OLFML2A: variants seen among roughly 807,000 people sequenced by gnomAD.
The protein encoded by OLFML2A is olfactomedin like 2A, also known as olfactomedin-like protein 2A.
Under a neutral mutation model 60.9 loss-of-function variants are expected in OLFML2A, and 47 were observed. The ratio of observed to expected loss-of-function variants is 0.77; its 90% confidence interval spans 0.61 to 0.98. The LOEUF (loss-of-function observed/expected upper bound fraction) is 0.98. Among genes scored for constraint, OLFML2A ranks in the 50% least tolerant of loss-of-function variants. The pLI is 0.00. For missense variants in OLFML2A, 922 were observed against 879.8 expected, an observed-to-expected ratio of 1.05 and a Z score of -0.61; for synonymous variants, 372 against 375.0, an observed-to-expected ratio of 0.99 and a Z score of 0.09.
rs1355820441 is a variant in OLFML2A at position 124,777,573 on chromosome 9, G to A, written c.90+213G>A. On this transcript the variant is annotated intron_variant, in intron 1 of 7. Transcript: ENST00000373580. The surrounding 1 kb of genome is among the most constrained non-coding windows in gnomAD (Gnocchi z 6.2). ...GAACAAGCGCTGGAGATGTAGGGAT[G>A]CTAGGGACCCGGGGCCTGAGGAAGG... 2.6e-5 allele frequency among the ~76,000 whole-genome samples: 4 copies of A among 152,168 alleles called. No individual in the cohort carries two copies. The highest frequency in any genetic ancestry group is 9.6e-5 in the African/African-American group (4 of 41,460).
chr9:124,793,392 A>G (rs1395918099), intron 2 of OLFML2A, among the ~76,000 whole-genome samples: 4 of 152,250 alleles, frequency 2.6e-5, no homozygotes, highest in Non-Finnish European at 5.9e-5. Flanking sequence ...CAGCTGCTCC[A>G]GGTCCTGCTG....
chr9:124,777,842 C>A lies in OLFML2A; in HGVS notation c.90+482C>A, dbSNP rs144639741. ...TTCTTGCCAGGGACCGGGTGCACCC[C>A]CTGGAGGACTAGGTAGCTCCAGAAG... On this transcript the variant is annotated intron_variant, in intron 1 of 7. Transcript: ENST00000373580. This position sits in a 1 kb window ranked among gnomAD's most constrained non-coding sequence, Gnocchi z 6.2. 9.2e-5 allele frequency among the ~76,000 whole-genome samples: 14 copies of A among 152,156 alleles called. No individual in the cohort carries two copies. Among genetic ancestry groups the A allele is most frequent in the Non-Finnish European group, 2.1e-4 (14 of 67,994 alleles).
intron 3 of OLFML2A, among the ~76,000 whole-genome samples, chr9:124,798,726 C>CAA (rs59669639): frequency 3.4e-3 from 224 of 65,162 alleles, no homozygotes; most frequent in African/African-American, 8.4e-3. Flanking sequence ...CCCAGCTACT[C>CAA]AAAAAAAAAA....
rs1841847540 is a variant in OLFML2A at position 124,804,337 on chromosome 9, G to T, written c.1163G>T (p.Ser388Ile). ...TEPPSGPEVSSQGREASCEGT... is the reference protein window; with the variant it reads ...TEPPSGPEVSIQGREASCEGT... ...CCACCTTCAGGTCCAGAAGTCTCCA[G>T]CCAAGGTGAGTGAGCCTCACAGGAG... The change falls in exon 6 of 8, where the codon AGC becomes ATC. Residue 388 changes from serine (S) to isoleucine (I), a missense_variant. Coordinates refer to ENST00000373580, the MANE Select transcript of OLFML2A (RefSeq NM_182487.4). 1.3e-6 allele frequency: 2 copies of T among 1,495,598 alleles called. No homozygotes were observed. Among genetic ancestry groups the T allele is most frequent in the African/African-American group, 1.5e-5 (1 of 68,590 alleles). The allele number at this position is 1,495,598 out of a possible 1,614,324, so 92.6% of individuals were successfully genotyped here. A position where few individuals can be genotyped will look rare whatever the true frequency, so the allele number is the denominator to read the frequency against.
chr9:124,801,206 C>T (rs1032334273), intron 4 of OLFML2A: 3 of 903,444 alleles, frequency 3.3e-6, no homozygotes, highest in Non-Finnish European at 3.4e-6. Flanking sequence ...TGCAAGGGAG[C>T]TAAAGAGCTG....
chr9:124,787,075 T>A lies in OLFML2A; in HGVS notation c.191T>A (p.Val64Glu). The change falls in exon 2 of 8, where the codon GTG (valine) becomes GAG (glutamate). Residue 64 changes from valine (V) to glutamate (E), a missense_variant. Transcript: ENST00000373580. ...CTGAGCAAGGACGCGTGTAGCCGAG[T>A]GCGCAGTGGGCGGGCACGCGTGGAG... Reference protein sequence around the residue: ...RPLSKDACSRVRSGRARVEDF... With the variant: ...RPLSKDACSRERSGRARVEDF... 6.2e-7 allele frequency: 1 copy of A among 1,613,976 alleles called. No individual in the cohort carries two copies.
intron 3 of OLFML2A, 137 bp downstream of exon 3, chr9:124,795,268 G>A: frequency 3.5e-6 from 2 of 575,158 alleles, no homozygotes; most frequent in Non-Finnish European, 6.5e-6. Flanking sequence ...GCTGGGGGAG[G>A]GAAATGCAGG....
chr9:124,801,726 C>T, intron 5 of OLFML2A, 63 bp downstream of exon 5: 1 of 1,541,392 alleles, frequency 6.5e-7, no homozygotes, highest in Non-Finnish European at 8.8e-7. Flanking sequence ...GGAATCCCCT[C>T]ATCTTCTCTG....
intron 5 of OLFML2A, among the ~76,000 whole-genome samples, chr9:124,802,777 G>A (rs545136884): frequency 5.3e-5 from 8 of 152,286 alleles, no homozygotes; most frequent in African/African-American, 1.7e-4. Context: ...AGCCCAAAAT[G>A]GAGAAAAAAG....
chr9:124,783,334 T>C (rs1424898157), intron 1 of OLFML2A, among the ~76,000 whole-genome samples: 1 of 152,092 alleles, frequency 6.6e-6, no homozygotes, highest in Non-Finnish European at 1.5e-5. Flanking sequence ...TAGCCGGACA[T>C]GGTGGCACAT....
chr9:124,778,183 C>T (rs993170076), intron 1 of OLFML2A, among the ~76,000 whole-genome samples: 1 of 151,560 alleles, frequency 6.6e-6, no homozygotes, highest in African/African-American at 2.4e-5. Flanking sequence ...CACGGTGAAA[C>T]CCCGTCTCTA....
rs532289848 is a variant in OLFML2A, at chr9:124,779,322, A to G, written c.90+1962A>G. 2.0e-5 allele frequency among the ~76,000 whole-genome samples: 3 copies of G among 152,310 alleles called. No homozygotes were observed. In the South Asian group the frequency reaches 6.2e-4, roughly 32 times the overall value. On this transcript the variant is annotated intron_variant, in intron 1 of 7. Coordinates refer to ENST00000373580, the MANE Select transcript of OLFML2A (RefSeq NM_182487.4). The surrounding 1 kb of genome is among the most constrained non-coding windows in gnomAD (Gnocchi z 4.1). ...TGGGATTCCCTGATCTGGCTCAGGT[A>G]TGATGACAAGTGAGTAGAAAATCCT...
intron 4 of OLFML2A, chr9:124,801,012 C>A: frequency 6.4e-7 from 1 of 1,551,282 alleles, no homozygotes; most frequent in Non-Finnish European, 8.7e-7. Context: ...TGCCTAGGTG[C>A]CTAAGAACCT....
intron 1 of OLFML2A, chr9:124,778,779 A>G (rs960621691): frequency 6.1e-6 from 1 of 163,668 alleles, no homozygotes; most frequent in African/African-American, 2.4e-5. Context: ...CCTGGGGAAC[A>G]GAGCAAGATT....
chr9:124,783,199 T>C (rs1383947210), intron 1 of OLFML2A, among the ~76,000 whole-genome samples: 2 of 151,996 alleles, frequency 1.3e-5, no homozygotes, highest in African/African-American at 4.8e-5. Context: ...GGGGCAGGCA[T>C]GGTAGCTCAC....
chr9:124,796,950 A>G (rs1430759895), intron 3 of OLFML2A, among the ~76,000 whole-genome samples: 1 of 152,232 alleles, frequency 6.6e-6, no homozygotes, highest in Non-Finnish European at 1.5e-5. Flanking sequence ...GATGAGGCTG[A>G]GAAAATCTGT....
At chr9:124,778,424 TC>T (rs1841299357) in intron 1 of OLFML2A, among the ~76,000 whole-genome samples, 1 of 150,710 alleles carries the variant, frequency 6.6e-6, no homozygotes, top group Middle Eastern at 3.5e-3. Flanking sequence ...TGGAAATGAC[TC>T]CCTGATGGCC....
In OLFML2A at chr9:124,804,220, A is replaced by G; in HGVS notation, c.1046A>G (p.Asp349Gly). ...GAGCCCAGGTCCTCCGAGCGAGTGG[A>G]CCTGGCTTCTGGCACCCCCACTTCA... is the stretch of plus-strand genomic sequence containing the variant. ...EAEPRSSERV[D>G]LASGTPTSIP... Residue 349 changes from aspartate (D) to glycine (G), a missense_variant, in exon 6 of 8, where the codon GAC (aspartate) becomes GGC (glycine). Asp to Gly is a moderately conservative substitution (Grantham distance 94). Coordinates refer to ENST00000373580, the MANE Select transcript of OLFML2A (RefSeq NM_182487.4). 1.9e-6 allele frequency: 3 copies of G among 1,613,904 alleles called. No homozygotes were observed. Among genetic ancestry groups the G allele is most frequent in the South Asian group, 2.2e-5 (2 of 91,062 alleles).
chr9:124,799,002 A>T (rs1841718270), intron 3 of OLFML2A, among the ~76,000 whole-genome samples: 1 of 152,222 alleles, frequency 6.6e-6, no homozygotes, highest in Admixed American at 6.5e-5. Context: ...TGAGAAATAA[A>T]GGTGGGAGGG....
Sources: allele counts gnomAD v4.1 joint callset (sites outside exome capture counted in the v4.1 genomes callset), GRCh38; gene constraint gnomAD v4.1.1; non-coding constraint Gnocchi (gnomAD v3.1); transcripts MANE v1.5; gene names NCBI Gene and HGNC (gene_info 2026-07-23, HGNC 2026-07-21).